Variants in STK32B observed in about 807,000 individuals in gnomAD.
The protein encoded by STK32B is serine/threonine kinase 32B, also known as serine/threonine-protein kinase 32B.
STK32B carries 43 observed loss-of-function variants against 52.6 expected under a neutral mutation model. The ratio of observed to expected loss-of-function variants is 0.82; its 90% confidence interval spans 0.64 to 1.05. The LOEUF (loss-of-function observed/expected upper bound fraction) is 1.05. STK32B is among the 50% of genes least tolerant of loss of function. The pLI, the probability that STK32B is intolerant of heterozygous loss-of-function variation, is 0.00. For missense variants in STK32B, 621 were observed against 534.6 expected, an observed-to-expected ratio of 1.16 and a Z score of -1.59; for synonymous variants, 238 against 204.3, an observed-to-expected ratio of 1.17 and a Z score of -1.41.
intron 3 of STK32B, among the ~76,000 whole-genome samples, chr4:5,269,738 T>G (rs777168220): frequency 4.6e-5 from 7 of 152,152 alleles, no homozygotes; most frequent in Admixed American, 3.3e-4. Context: ...AAAAAATTAG[T>G]GAACTTAAAC....
In STK32B at chr4:5,170,481, T is replaced by C. The variant is rs1274302232; in HGVS notation, c.260+2031T>C. 4.7e-5 allele frequency among the ~76,000 whole-genome samples: 7 copies of C among 150,536 alleles called. No homozygotes were observed. In the South Asian group the frequency reaches 6.4e-4, roughly 14 times the overall value. On this transcript the variant is annotated intron_variant, in intron 3 of 11. Transcript: ENST00000282908. ...CCCGTCCCCCCACCCCACAACAGTC[T>C]CTGGAGTGTGATGTTCCCCTTCCTG...
chr4:5,160,773 A>G (rs1232095547), intron 2 of STK32B, among the ~76,000 whole-genome samples: 1 of 152,182 alleles, frequency 6.6e-6, no homozygotes, highest in African/African-American at 2.4e-5. Context: ...GGAGTGGACA[A>G]TGGATGCACG....
chr4:5,052,558 C>A (rs1741832606), intron 1 of STK32B, among the ~76,000 whole-genome samples: 1 of 152,136 alleles, frequency 6.6e-6, no homozygotes, highest in Admixed American at 6.5e-5. Context: ...ATAGAGCTCC[C>A]TATTTGGACT....
intron 3 of STK32B, among the ~76,000 whole-genome samples, chr4:5,316,786 CATATATATTAT>C (rs1730867143): frequency 7.6e-3 from 1 of 132 alleles, no homozygotes; most frequent in Non-Finnish European, 9.3e-3. Context: ...ATATATTATA[CATATATATTAT>C]ATATTATATA....
intron 5 of STK32B, among the ~76,000 whole-genome samples, chr4:5,413,516 C>T (rs1711885217): frequency 6.6e-6 from 1 of 152,104 alleles, no homozygotes; most frequent in African/African-American, 2.4e-5. Flanking sequence ...TGACACTGTC[C>T]AAAGACAAAG....
chr4:5,293,317 A>ATAAT (rs1223299892), intron 3 of STK32B, among the ~76,000 whole-genome samples: 1 of 151,980 alleles, frequency 6.6e-6, no homozygotes. Context: ...TAATGACATT[A>ATAAT]CTGGGTCAAA....
At chr4:5,317,223 ATT>A (rs1491488148) in intron 3 of STK32B, among the ~76,000 whole-genome samples, 7 of 53,492 alleles carry the variant, frequency 1.3e-4, no homozygotes, top group African/African-American at 5.8e-4. Context: ...ACATATATAT[ATT>A]ATATATAACA....
At chr4:5,353,228 C>G (rs747477725) in intron 4 of STK32B, among the ~76,000 whole-genome samples, 13 of 152,126 alleles carry the variant, frequency 8.5e-5, no homozygotes, top group African/African-American at 1.2e-4. Context: ...CTGGACTCAT[C>G]TCTCACCATA....
At chr4:5,324,999 C>T (rs10028484) in intron 3 of STK32B, among the ~76,000 whole-genome samples, 36,559 of 152,106 alleles carry the variant, frequency 0.24, 6,652 homozygotes, top group African/African-American at 0.5. Flanking sequence ...AGCCTGTCTT[C>T]GTGAAGTAGT....
intron 4 of STK32B, among the ~76,000 whole-genome samples, chr4:5,333,190 A>G (rs1577359422): frequency 1.3e-5 from 2 of 152,186 alleles, no homozygotes; most frequent in South Asian, 2.1e-4. Context: ...TTGCCATTCT[A>G]ACTGGTGTGA....
chr4:5,177,205 C>T (rs1719976474), intron 3 of STK32B, among the ~76,000 whole-genome samples: 1 of 152,084 alleles, frequency 6.6e-6, no homozygotes, highest in African/African-American at 2.4e-5. Flanking sequence ...CTGGGGAGGC[C>T]TCAGGAAACT....
At chr4:5,251,478 G>T (rs1025430674) in intron 3 of STK32B, among the ~76,000 whole-genome samples, 16 of 152,106 alleles carry the variant, frequency 1.1e-4, no homozygotes, top group African/African-American at 3.9e-4. Context: ...TTTGTTTACT[G>T]TAGCCCTTTA....
chr4:5,430,538 C>G (rs975493273), intron 6 of STK32B, among the ~76,000 whole-genome samples: 2 of 152,146 alleles, frequency 1.3e-5, no homozygotes, highest in Non-Finnish European at 2.9e-5. Flanking sequence ...ACATCTAGTT[C>G]ATATCTGAGT....
intron 4 of STK32B, among the ~76,000 whole-genome samples, chr4:5,331,979 T>C (rs777694538): frequency 2.0e-5 from 3 of 152,188 alleles, no homozygotes; most frequent in Non-Finnish European, 4.4e-5. Context: ...TGGAAAGTGA[T>C]TGTATCATTC....
rs1466951167 is a variant in STK32B, at chr4:5,160,475, C to G, written c.109-7824C>G. 2.0e-5 allele frequency among the ~76,000 whole-genome samples: 3 copies of G among 152,138 alleles called. No homozygotes were observed. In the East Asian group the frequency reaches 5.8e-4, roughly 29 times the overall value. ...TAACCCCCTTCCTTCTCCCCCTCCC[C>G]ACACCTCTGTCCTCATGAGACCAAC... On this transcript the variant is annotated intron_variant, in intron 2 of 11. Transcript: ENST00000282908.
At chr4:5,410,528 G>T (rs1484416466) in intron 5 of STK32B, among the ~76,000 whole-genome samples, 1 of 152,108 alleles carries the variant, frequency 6.6e-6, no homozygotes, top group East Asian at 1.9e-4. Context: ...ACCCATAAAA[G>T]TGTTCATAAA....
chr4:5,043,802 A>C, the STK32B span, among the ~76,000 whole-genome samples: 1 of 152,238 alleles, frequency 6.6e-6, no homozygotes, highest in African/African-American at 2.4e-5. Context: ...TCCCACCTGC[A>C]AAGGCAGTTG....
At chr4:5,360,493 C>T (rs923550459) in intron 4 of STK32B, among the ~76,000 whole-genome samples, 2 of 152,076 alleles carry the variant, frequency 1.3e-5, no homozygotes, top group Admixed American at 6.6e-5. Flanking sequence ...TAGAATAGAC[C>T]GTGTGTGCGC....
chr4:5,384,662 G>A (rs574586290), intron 4 of STK32B, among the ~76,000 whole-genome samples: 47 of 152,158 alleles, frequency 3.1e-4, no homozygotes, highest in African/African-American at 1.1e-3. Context: ...CAAGGGAGTC[G>A]AGGATGTGGG....
Sources: allele counts gnomAD v4.1 joint callset (sites outside exome capture counted in the v4.1 genomes callset), GRCh38; gene constraint gnomAD v4.1.1; transcripts MANE v1.5; gene names NCBI Gene and HGNC (gene_info 2026-07-23, HGNC 2026-07-21).